Variants in OSGIN1 observed in about 807,000 individuals in gnomAD.
OSGIN1 encodes the protein oxidative stress induced growth inhibitor 1.
Under a neutral mutation model 20.1 loss-of-function variants are expected in OSGIN1, and 19 were observed. The observed-to-expected ratio is 0.95, with a 90% CI of 0.66 to 1.39. The LOEUF (loss-of-function observed/expected upper bound fraction) is 1.39. OSGIN1 is among the 40% of genes most tolerant of loss of function. The pLI is 0.00. For synonymous variants in OSGIN1, 368 were observed against 297.8 expected (o/e 1.24, Z -2.43); for missense variants, 820 against 653.0 (o/e 1.26, Z -2.79).
intron 1 of OSGIN1, 97 bp downstream of exon 1, chr16:83,953,467 C>A: frequency 1.7e-6 from 2 of 1,146,846 alleles, no homozygotes; most frequent in Non-Finnish European, 2.3e-6. Flanking sequence ...AGAGCCCTGG[C>A]GCCAGGCGGG....
chr16:83,958,720 G>A (rs1909059764), intron 2 of OSGIN1, among the ~76,000 whole-genome samples: 1 of 152,214 alleles, frequency 6.6e-6, no homozygotes, highest in Admixed American at 6.5e-5. Flanking sequence ...AGACGTGCAA[G>A]CAGCAGACCC....
chr16:83,958,573 G>A (rs543103203), intron 2 of OSGIN1, among the ~76,000 whole-genome samples: 1 of 152,294 alleles, frequency 6.6e-6, no homozygotes, highest in South Asian at 2.1e-4. Context: ...GTTCTTCCTG[G>A]TATCCTGCAT....
rs1371467831 is a variant in OSGIN1 at position 83,960,593 on chromosome 16, C to T, written c.229C>T (p.Leu77Phe). 1 of 1,613,412 alleles carries T rather than the reference C, an allele frequency of 6.2e-7. No homozygotes were observed. The highest frequency in any genetic ancestry group is 1.7e-5 in the Admixed American group (1 of 60,024). Reference protein sequence around the residue: ...DQDLDYLSEGLEGRSQSPVAL... With the variant: ...DQDLDYLSEGFEGRSQSPVAL... ...GGACCTGGACTACCTGTCCGAAGGC[C>T]TCGAAGGCCGATCCCAAAGCCCCGT... Residue 77 changes from leucine (L) to phenylalanine (F), a missense_variant, in exon 4 of 6, where the codon CTC (leucine) becomes TTC (phenylalanine). Leu to Phe is a conservative substitution (Grantham distance 22). Transcript: ENST00000393306.
chr16:83,959,514 A>G (rs1235317877), intron 3 of OSGIN1, 118 bp downstream of exon 3: 12 of 1,018,824 alleles, frequency 1.2e-5, no homozygotes, highest in Non-Finnish European at 1.4e-5. Context: ...TAAACAAAGA[A>G]TTCGAGAGTC....
rs1472601650 is a variant in OSGIN1, at chr16:83,959,254, C to T, written c.68-6C>T. The T allele has an allele frequency of 6.2e-7, 1 of 1,612,950 alleles. No individual in the cohort carries two copies. The highest frequency in any genetic ancestry group is 8.5e-7 in the Non-Finnish European group (1 of 1,179,380). On this transcript the variant is annotated splice_region_variant and splice_polypyrimidine_tract_variant and intron_variant, in intron 2 of 5. Transcript: ENST00000393306. ...ACCCCCTTTAACCTCCACCCTCTCT[C>T]CCCAGGTAACGGCCCCTCTGGTATC...
rs188584539 is a variant in OSGIN1, at chr16:83,958,598, G to A, written c.68-662G>A. On this transcript the variant is annotated intron_variant, in intron 2 of 5. Transcript: ENST00000393306. ...GTATCCTGCATATGAGTAATATTCC[G>A]AATCAGACGAGATAAGAAGAGGGGA... 4.6e-5 allele frequency among the ~76,000 whole-genome samples: 7 copies of A among 152,296 alleles called. No homozygotes were observed. The South Asian group carries it at 6.2e-4, about 14-fold the overall frequency.
At chr16:83,959,848 A>G (rs1909119133) in intron 3 of OSGIN1, among the ~76,000 whole-genome samples, 1 of 152,100 alleles carries the variant, frequency 6.6e-6, no homozygotes, top group Admixed American at 6.5e-5. Context: ...CTGGCTACAA[A>G]GAATGATCTG....
At chr16:83,956,499 G>A (rs1908937802) in intron 1 of OSGIN1, among the ~76,000 whole-genome samples, 1 of 152,158 alleles carries the variant, frequency 6.6e-6, no homozygotes, top group Admixed American at 6.5e-5. Flanking sequence ...CACCTGGATG[G>A]GCCCTGGATC....
At chr16:83,961,729 G>A (rs990569707) in intron 5 of OSGIN1, among the ~76,000 whole-genome samples, 2 of 152,124 alleles carry the variant, frequency 1.3e-5, no homozygotes, top group African/African-American at 4.8e-5. Context: ...AGGACCCCCT[G>A]TCCCGTGCAA....
Position 83,965,649 on chromosome 16 carries a change from G to A in OSGIN1, c.1076G>A (p.Arg359His), listed in dbSNP as rs1262294469. The A allele has an allele frequency of 6.2e-6, 10 of 1,613,270 alleles. No individual in the cohort carries two copies. Among genetic ancestry groups the A allele is most frequent in the Admixed American group, 1.7e-5 (1 of 60,002 alleles). ...TCGCCCAGCCCCTATGAGGGTTACC[G>A]CAGCCTCCCCAGGCACCAGCTGCTG... is the stretch of plus-strand genomic sequence containing the variant. The part of the protein sequence containing the change: ...ILSPSPYEGY[R>H]SLPRHQLLCF... The change falls in exon 6 of 6, where the codon CGC becomes CAC. Residue 359 changes from arginine (R) to histidine (H), a missense_variant. Physicochemically the swap from Arg to His is conservative, Grantham distance 29. Coordinates refer to ENST00000393306, the MANE Select transcript of OSGIN1 (RefSeq NM_182981.3).
At chr16:83,963,187 A>G (rs976819112) in intron 5 of OSGIN1, among the ~76,000 whole-genome samples, 12 of 152,194 alleles carry the variant, frequency 7.9e-5, no homozygotes, top group Non-Finnish European at 1.3e-4. Flanking sequence ...TTTGGCAGGA[A>G]GACTTCCAGG....
In OSGIN1 at chr16:83,965,629, C is replaced by T; in HGVS notation, c.1056C>T (p.Pro352=). The stretch of plus-strand genomic sequence containing the variant: ...TGCGGGAGCAGTCCATCCTGTCGCC[C>T]AGCCCCTATGAGGGTTACCGCAGCC... The part of the protein sequence containing the change: ...QMMREQSILS[P]SPYEGYRSLP... The change falls in exon 6 of 6, where the codon CCC becomes CCT. Residue 352 remains proline (P), a synonymous_variant. Transcript: ENST00000393306. The T allele has an allele frequency of 6.2e-7, 1 of 1,613,256 alleles. No individual in the cohort carries two copies. The highest frequency in any genetic ancestry group is 1.3e-5 in the African/African-American group (1 of 75,060).
chr16:83,958,728 C>A (rs1285501408), intron 2 of OSGIN1, among the ~76,000 whole-genome samples: 1 of 152,224 alleles, frequency 6.6e-6, no homozygotes, highest in South Asian at 2.1e-4. Context: ...AAGCAGCAGA[C>A]CCAACAGGCG....
chr16:83,966,278 C>A lies in OSGIN1; in HGVS notation c.*271C>A, dbSNP rs934524979. ...CCAGCTGAGCACCCAGCCAGGAGAC[C>A]TGCAGCCCTGCGCCTTCCAGAAGCA... On this transcript the variant is annotated 3_prime_UTR_variant, in exon 6 of 6. Coordinates refer to ENST00000393306, the MANE Select transcript of OSGIN1 (RefSeq NM_182981.3). 8.5e-5 allele frequency: 43 copies of A among 504,978 alleles called. No homozygotes were observed. Among genetic ancestry groups the A allele is most frequent in the Non-Finnish European group, 2.1e-5 (6 of 288,376 alleles). The allele number at this position is 504,978 out of a possible 1,614,324, so 31.3% of individuals were successfully genotyped here. A position where few individuals can be genotyped will look rare whatever the true frequency, so the allele number is the denominator to read the frequency against.
rs1908773730 is a variant in OSGIN1, at chr16:83,953,274, C to A, written c.-129C>A. 1 of 1,288,612 alleles carries A rather than the reference C, an allele frequency of 7.8e-7. No individual in the cohort carries two copies. Among genetic ancestry groups the A allele is most frequent in the East Asian group, 5.6e-5 (1 of 18,016 alleles). The allele number at this position is 1,288,612 out of a possible 1,614,324, so 79.8% of individuals were successfully genotyped here. On this transcript the variant is annotated 5_prime_UTR_variant, in exon 1 of 6. Transcript: ENST00000393306. ...TGGATCCCCACAGGGTAATGGGTGT[C>A]CCGATCTCGCGGGGGACTCTGTGAT...
At chr16:83,962,006 C>G (rs12923291) in intron 5 of OSGIN1, among the ~76,000 whole-genome samples, 4,042 of 149,770 alleles carry the variant, frequency 0.027, 60 homozygotes, top group Non-Finnish European at 0.038. Flanking sequence ...TGAGTTTCAT[C>G]CTTAACCATG....
At chr16:83,956,542 C>T (rs1908940157) in intron 1 of OSGIN1, among the ~76,000 whole-genome samples, 1 of 152,140 alleles carries the variant, frequency 6.6e-6, no homozygotes, top group South Asian at 2.1e-4. Flanking sequence ...TGGGTGGTGG[C>T]ACTGGCAGGG....
intron 1 of OSGIN1, among the ~76,000 whole-genome samples, chr16:83,953,874 G>A (rs542042855): frequency 9.2e-5 from 14 of 152,350 alleles, no homozygotes; most frequent in Non-Finnish European, 1.8e-4. Context: ...TTGGGAGGGC[G>A]GCCCCTGGGA....
intron 2 of OSGIN1, 33 bp from the exon 3 acceptor site, chr16:83,959,227 C>G: frequency 6.3e-7 from 1 of 1,594,738 alleles, no homozygotes; most frequent in Non-Finnish European, 8.6e-7. Flanking sequence ...CCTGAAAAGG[C>G]CACCCCCTTT....
Sources: gnomAD v4.1 joint callset for allele counts (sites outside exome capture counted in the v4.1 genomes callset) on GRCh38, gnomAD v4.1.1 for gene constraint, MANE v1.5 for transcripts, NCBI Gene and HGNC (gene_info 2026-07-23, HGNC 2026-07-21) for gene names.